CCDC187: variants seen among roughly 807,000 people sequenced by gnomAD.
The protein encoded by CCDC187 is coiled-coil domain-containing protein 187.
A neutral mutation model predicts 38.0 loss-of-function variants in CCDC187; 32 were observed. That is an observed-to-expected ratio of 0.84 (90% CI 0.64 to 1.13). The LOEUF (loss-of-function observed/expected upper bound fraction) is 1.13, where lower values mean the gene tolerates loss of function less well. Among genes scored for constraint, CCDC187 ranks in the 50% most tolerant of loss-of-function variants. The pLI, the probability that CCDC187 is intolerant of heterozygous loss-of-function variation, is 0.00. For synonymous variants in CCDC187, 333 were observed against 347.9 expected (o/e 0.96, Z 0.48); for missense variants, 707 against 786.8 (o/e 0.90, Z 1.21).
At chr9:136,284,840 C>T (rs1020144466) in intron 9 of CCDC187, among the ~76,000 whole-genome samples, 7 of 152,098 alleles carry the variant, frequency 4.6e-5, no homozygotes, top group Admixed American at 1.3e-4. Context: ...GCGGCCGCCT[C>T]GTGCACTGCA....
intron 4 of CCDC187, chr9:136,295,975 C>G (rs973718361): frequency 6.6e-6 from 1 of 152,322 alleles, no homozygotes; most frequent in East Asian, 1.9e-4. Context: ...TCTGGCCCCG[C>G]TGAATGCACA....
At chr9:136,289,246 G>A (rs952818079) in intron 7 of CCDC187, among the ~76,000 whole-genome samples, 15 of 152,016 alleles carry the variant, frequency 9.9e-5, no homozygotes, top group East Asian at 1.9e-4. Context: ...GGCGGGGCGC[G>A]GTGACTCACT....
intron 14 of CCDC187, among the ~76,000 whole-genome samples, chr9:136,271,606 C>CT (rs1272090795): frequency 0.01 from 1,362 of 131,160 alleles, 15 homozygotes; most frequent in East Asian, 0.028. Flanking sequence ...AAGAGAAAGT[C>CT]TTTTTTTTTT....
At chr9:136,281,837 G>A (rs1050548906) in intron 9 of CCDC187, among the ~76,000 whole-genome samples, 174 bp from the exon 10 acceptor site, 4,335 of 152,308 alleles carry the variant, frequency 0.028, 68 homozygotes, top group Middle Eastern at 0.082. Flanking sequence ...AAAGCCTGGC[G>A]GGGGAAGGGC....
chr9:136,263,769 C>T lies in CCDC187; in HGVS notation c.3765G>A (p.Gln1255=), dbSNP rs1359896572. 2 of 985,376 alleles carry T rather than the reference C, an allele frequency of 2.0e-6. No individual in the cohort carries two copies. The highest frequency in any genetic ancestry group is 3.5e-5 in the African/African-American group (2 of 57,250). 61.0% of individuals were successfully genotyped at this position (985,376 alleles called of 1,614,324 possible). Residue 1255 remains glutamine, a synonymous_variant, in exon 18 of 26, where the codon CAG becomes CAA. Coordinates refer to ENST00000638797, the MANE Select transcript of CCDC187 (RefSeq NM_001378188.1). ...GCTTCCTGTCCCGGTGCCTGAACAG[C>T]TGCGTGTGTCTCAGGTATTGGATTT... is the stretch of plus-strand genomic sequence containing the variant. ...QREIQYLRHT[Q]LFRHRDRKLL... is the part of the protein sequence containing the mutation.
chr9:136,293,425 T>A (rs1450460522), intron 4 of CCDC187, among the ~76,000 whole-genome samples: 1,856 of 100,834 alleles, frequency 0.018, 138 homozygotes, highest in African/African-American at 0.062. Flanking sequence ...GCTCACATAC[T>A]CTCACATGCT....
rs1830765389 is a variant in CCDC187, at chr9:136,267,387, C to T, written c.3644G>A (p.Arg1215Gln). The T allele has an allele frequency of 2.0e-6, 2 of 985,492 alleles. No individual in the cohort carries two copies. The highest frequency in any genetic ancestry group is 6.1e-5 in the Admixed American group (1 of 16,272). 61.0% of individuals were successfully genotyped at this position (985,492 alleles called of 1,614,324 possible). Residue 1215 changes from arginine (R) to glutamine (Q), a missense_variant, in exon 16 of 26, where the codon CGA (arginine) becomes CAA (glutamine). Transcript: ENST00000638797. The stretch of plus-strand genomic sequence containing the variant: ...GGCGCCAGGCGCATGCGCTCACCCT[C>T]GTCGATGCTCCAGCCAGGCCAGCTC... Reference protein sequence around the residue: ...LAELAWLEHRRGCLDSKRDRA... With the variant: ...LAELAWLEHRQGCLDSKRDRA...
At chr9:136,298,434 G>T (rs1483446079) in intron 3 of CCDC187, among the ~76,000 whole-genome samples, 1 of 152,178 alleles carries the variant, frequency 6.6e-6, no homozygotes, top group Non-Finnish European at 1.5e-5. Context: ...AGCGGCCACC[G>T]AGAGGGCCCG....
intron 19 of CCDC187, among the ~76,000 whole-genome samples, chr9:136,260,788 G>T (rs1487244237): frequency 3.3e-5 from 5 of 152,210 alleles, no homozygotes; most frequent in Non-Finnish European, 5.9e-5. Flanking sequence ...TGAGCAGGAG[G>T]TTCAGAGGAG....
In CCDC187 at chr9:136,291,613, A is replaced by AGCACTT; in HGVS notation, c.994_999dup (p.Lys332_Cys333dup). ...TCGGGCAACTGGGCACAAACCGGTG[A>AGCACTT]GCACTTGGCAGCTATGACTTTCTCG... On this transcript the variant is annotated inframe_insertion, in exon 6 of 26. Transcript: ENST00000638797. The AGCACTT allele has an allele frequency of 2.5e-6, 1 of 398,788 alleles. No homozygotes were observed. The highest frequency in any genetic ancestry group is 4.4e-6 in the Non-Finnish European group (1 of 226,136). The allele number at this position is 398,788 out of a possible 1,614,324, so 24.7% of individuals were successfully genotyped here.
intron 4 of CCDC187, 22 bp from the exon 5 acceptor site, chr9:136,292,317 C>A (rs1019515910): frequency 2.5e-6 from 1 of 398,560 alleles, no homozygotes; most frequent in Non-Finnish European, 4.4e-6. Context: ...AAAACATACA[C>A]ACAGCCGGGC....
intron 14 of CCDC187, among the ~76,000 whole-genome samples, chr9:136,271,312 A>G (rs896020387): frequency 1.3e-5 from 2 of 152,152 alleles, no homozygotes; most frequent in Non-Finnish European, 2.9e-5. Flanking sequence ...ACCTCAGGTC[A>G]GGAGTTCAAG....
intron 19 of CCDC187, among the ~76,000 whole-genome samples, chr9:136,261,252 T>A (rs1259745949): frequency 6.6e-6 from 1 of 152,170 alleles, no homozygotes; most frequent in African/African-American, 2.4e-5. Flanking sequence ...GAAGCGCACC[T>A]GCTCCCGTGT....
Position 136,267,487 on chromosome 9 carries a change from C to T in CCDC187, c.3544G>A (p.Glu1182Lys), listed in dbSNP as rs1830767821. The T allele has an allele frequency of 1.0e-6, 1 of 985,724 alleles. No individual in the cohort carries two copies. Among genetic ancestry groups the T allele is most frequent in the South Asian group, 4.7e-5 (1 of 21,304 alleles). The allele number at this position is 985,724 out of a possible 1,614,324, so 61.1% of individuals were successfully genotyped here. The change falls in exon 16 of 26, where the codon GAG becomes AAG. Residue 1182 changes from glutamate to lysine, a missense_variant. Physicochemically the swap from Glu to Lys is moderately conservative, Grantham distance 56 (BLOSUM62 1). Coordinates refer to ENST00000638797, the MANE Select transcript of CCDC187 (RefSeq NM_001378188.1). The part of the protein sequence containing the change: ...HQMLERSLRE[E>K]ELRAQHQAAL... The stretch of plus-strand genomic sequence containing the variant: ...GCCTGGTGCTGTGCTCGCAGCTCCT[C>T]CTCCCGCAGGCTCCGCTCCAGCATC...
chr9:136,266,622 C>G (rs375537037), intron 16 of CCDC187: 1 of 152,326 alleles, frequency 6.6e-6, no homozygotes, highest in African/African-American at 2.4e-5. Flanking sequence ...CCGGGACAAG[C>G]GAAGGGAGTT....
Position 136,251,075 on chromosome 9 carries a change from T to C in CCDC187, c.*2519A>G, listed in dbSNP as rs981781668. The C allele has an allele frequency of 9.9e-5, 45 of 454,576 alleles. No homozygotes were observed. The Admixed American group carries it at 1.0e-3, about 10-fold the overall frequency. 28.2% of individuals were successfully genotyped at this position (454,576 alleles called of 1,614,324 possible). On this transcript the variant is annotated 3_prime_UTR_variant, in exon 26 of 26. Coordinates refer to ENST00000638797, the MANE Select transcript of CCDC187 (RefSeq NM_001378188.1). Reference sequence around the variant, plus strand: ...GTCTGGAGTATGCTCCTCTCTGAAGTGGAGGAGGCCTGAGGCCCTGGACAG... The same window carrying C: ...GTCTGGAGTATGCTCCTCTCTGAAGCGGAGGAGGCCTGAGGCCCTGGACAG...
intron 3 of CCDC187, among the ~76,000 whole-genome samples, chr9:136,299,031 G>GACCC (rs1471545163): frequency 3.9e-5 from 6 of 152,192 alleles, no homozygotes; most frequent in African/African-American, 1.4e-4. Context: ...GTCCCTGAGT[G>GACCC]ACCCATTGCT....
chr9:136,263,489 C>T (rs1830704600), intron 18 of CCDC187, 133 bp downstream of exon 18: 3 of 580,988 alleles, frequency 5.2e-6, no homozygotes, highest in South Asian at 7.4e-5. Context: ...CCGCCTCGGC[C>T]TCCCAAAGTG....
Position 136,253,978 on chromosome 9 carries a change from C to A in CCDC187, c.5850G>T (p.Arg1950Ser). The A allele has an allele frequency of 1.0e-6, 1 of 985,502 alleles. No individual in the cohort carries two copies. Among genetic ancestry groups the A allele is most frequent in the Non-Finnish European group, 1.2e-6 (1 of 830,008 alleles). 61.0% of individuals were successfully genotyped at this position (985,502 alleles called of 1,614,324 possible). ...TLQAPPGDPG[R>S]LAPPVAESRA... ...GGCTCTCAGCTACTGGAGGTGCCAG[C>A]CTGCCTGGGTCCCCAGGAGGAGCCT... is the stretch of plus-strand genomic sequence containing the variant. Residue 1950 changes from arginine to serine, a missense_variant, in exon 26 of 26, where the codon AGG (arginine) becomes AGT (serine). Physicochemically the swap from Arg to Ser is moderately radical, Grantham distance 110 (BLOSUM62 -1). Coordinates refer to ENST00000638797, the MANE Select transcript of CCDC187 (RefSeq NM_001378188.1).
Sources: allele counts gnomAD v4.1 joint callset (sites outside exome capture counted in the v4.1 genomes callset), GRCh38; gene constraint gnomAD v4.1.1; transcripts MANE v1.5; gene names NCBI Gene and HGNC (gene_info 2026-07-23, HGNC 2026-07-21).